DPYSL3: variants seen among roughly 807,000 people sequenced by gnomAD.
DPYSL3 encodes the protein dihydropyrimidinase-related protein 3.
DPYSL3 carries 16 observed loss-of-function variants against 66.1 expected under a neutral mutation model. The observed-to-expected ratio is 0.24, with a 90% CI of 0.16 to 0.37. The LOEUF (loss-of-function observed/expected upper bound fraction) is 0.37, where lower values mean the gene tolerates loss of function less well. DPYSL3 is among the 10% of genes least tolerant of loss of function. The pLI, the probability that DPYSL3 is intolerant of heterozygous loss-of-function variation, is 1.00. For missense variants in DPYSL3, 738 were observed against 916.2 expected (o/e 0.81, Z 2.51); for synonymous variants, 338 against 345.1 (o/e 0.98, Z 0.23).
intron 1 of DPYSL3, among the ~76,000 whole-genome samples, chr5:147,431,947 G>T (rs186082856): frequency 1.3e-5 from 2 of 152,258 alleles, no homozygotes; most frequent in East Asian, 3.9e-4. Context: ...GACCCTCGAT[G>T]ACAAGCATGC....
intron 1 of DPYSL3, among the ~76,000 whole-genome samples, chr5:147,462,318 A>T (rs1311727699): frequency 6.6e-6 from 1 of 152,168 alleles, no homozygotes; most frequent in East Asian, 1.9e-4. Flanking sequence ...TTCCTCCACC[A>T]TAATATAGTC....
chr5:147,397,135 C>T (rs60953985), intron 12 of DPYSL3, among the ~76,000 whole-genome samples: 38,747 of 146,680 alleles, frequency 0.26, 5,336 homozygotes, highest in East Asian at 0.54. Context: ...ATTTTTTATA[C>T]GCATGCATAC....
chr5:147,477,039 C>T (rs193289100), intron 1 of DPYSL3, among the ~76,000 whole-genome samples: 1 of 152,136 alleles, frequency 6.6e-6, no homozygotes, highest in Admixed American at 6.5e-5. Context: ...AATAAGTACC[C>T]CCCAGTTCCC....
intron 13 of DPYSL3, among the ~76,000 whole-genome samples, chr5:147,394,390 C>T (rs1359712919): frequency 6.6e-6 from 1 of 152,132 alleles, no homozygotes; most frequent in African/African-American, 2.4e-5. Flanking sequence ...GGAAGAAGAA[C>T]AATGACAAAG....
chr5:147,423,001 T>TAAC (rs746279993), intron 2 of DPYSL3, among the ~76,000 whole-genome samples: 2 of 152,062 alleles, frequency 1.3e-5, no homozygotes, highest in Non-Finnish European at 2.9e-5. Context: ...TAAAGTATAA[T>TAAC]AATAATAATA....
chr5:147,497,611 C>T (rs1231451167), intron 1 of DPYSL3, among the ~76,000 whole-genome samples: 1 of 151,724 alleles, frequency 6.6e-6, no homozygotes, highest in Non-Finnish European at 1.5e-5. Context: ...TTACATTACA[C>T]ATAATATAAT....
At chr5:147,453,858 T>C (rs1281770321) in intron 1 of DPYSL3, 13 of 764,486 alleles carry the variant, frequency 1.7e-5, no homozygotes, top group Non-Finnish European at 2.0e-5. Flanking sequence ...TTTTTTTTTT[T>C]CTTTTGCTGC....
At chr5:147,400,600 C>T in intron 10 of DPYSL3, 92 bp downstream of exon 10, 2 of 1,508,716 alleles carry the variant, frequency 1.3e-6, no homozygotes, top group East Asian at 2.3e-5. Flanking sequence ...TCTGCACTCG[C>T]AGTGTCACCA....
chr5:147,422,375 A>G (rs1752098599), intron 2 of DPYSL3, among the ~76,000 whole-genome samples: 1 of 152,226 alleles, frequency 6.6e-6, no homozygotes, highest in Non-Finnish European at 1.5e-5. Context: ...GGATTTGGAG[A>G]AATAGGAATG....
intron 1 of DPYSL3, among the ~76,000 whole-genome samples, chr5:147,505,539 T>A (rs1753675383): frequency 6.6e-6 from 1 of 152,212 alleles, no homozygotes; most frequent in African/African-American, 2.4e-5. Flanking sequence ...CCCAGCCTAT[T>A]ATTTTATATT....
intron 1 of DPYSL3, among the ~76,000 whole-genome samples, chr5:147,466,869 G>A (rs914164403): frequency 1.3e-5 from 2 of 152,208 alleles, no homozygotes; most frequent in Non-Finnish European, 2.9e-5. Context: ...GGAAAGTAGG[G>A]ATGGCAGAGA....
At chr5:147,466,162 C>G (rs1753005256) in intron 1 of DPYSL3, among the ~76,000 whole-genome samples, 1 of 152,180 alleles carries the variant, frequency 6.6e-6, no homozygotes, top group Non-Finnish European at 1.5e-5. Context: ...TGCCTGTTGA[C>G]AGAATATGTA....
At position 147,393,892 on chromosome 5, in the gene DPYSL3, T is replaced by G; in HGVS notation, c.*143A>C. ...TAAAGCTAGGCAAGCGAGCGTAACA[T>G]TGGAGAAACATAAGGCTTGAGGCTT... On this transcript the variant is annotated 3_prime_UTR_variant, in exon 14 of 14. Coordinates refer to ENST00000343218, the MANE Select transcript of DPYSL3 (RefSeq NM_001197294.2). The G allele has an allele frequency of 2.5e-6, 2 of 807,728 alleles. No homozygotes were observed. Among genetic ancestry groups the G allele is most frequent in the Non-Finnish European group, 4.0e-6 (2 of 503,766 alleles). 50.0% of individuals were successfully genotyped at this position (807,728 alleles called of 1,614,324 possible). A position where few individuals can be genotyped will look rare whatever the true frequency, so the allele number is the denominator to read the frequency against.
At chr5:147,423,870 A>G (rs1752136797) in intron 2 of DPYSL3, among the ~76,000 whole-genome samples, 1 of 151,980 alleles carries the variant, frequency 6.6e-6, no homozygotes, top group South Asian at 2.1e-4. Flanking sequence ...GCAGGCATAC[A>G]CCAGCACACC....
intron 2 of DPYSL3, among the ~76,000 whole-genome samples, chr5:147,419,515 T>C (rs935195346): frequency 1.3e-5 from 2 of 152,240 alleles, no homozygotes; most frequent in African/African-American, 2.4e-5. Flanking sequence ...TGGTATCACA[T>C]TTTTGATTAA....
intron 1 of DPYSL3, among the ~76,000 whole-genome samples, chr5:147,475,784 T>C (rs1337427271): frequency 6.6e-6 from 1 of 152,112 alleles, no homozygotes; most frequent in African/African-American, 2.4e-5. Context: ...ACTCAAACTC[T>C]TGAAAATATT....
At chr5:147,455,546 G>T (rs183138787) in intron 1 of DPYSL3, among the ~76,000 whole-genome samples, 98 of 152,292 alleles carry the variant, frequency 6.4e-4, no homozygotes, top group Non-Finnish European at 1.0e-3. Flanking sequence ...GCCAAGAGTT[G>T]TGAAATTACA....
intron 6 of DPYSL3, among the ~76,000 whole-genome samples, chr5:147,411,158 C>T (rs140083320): frequency 2.2e-4 from 33 of 152,272 alleles, no homozygotes; most frequent in Non-Finnish European, 3.8e-4. Flanking sequence ...TTGCCTCCCA[C>T]GGGACCAAGG....
intron 1 of DPYSL3, among the ~76,000 whole-genome samples, chr5:147,450,637 C>G (rs1403924747): frequency 2.6e-5 from 4 of 152,026 alleles, no homozygotes; most frequent in Non-Finnish European, 5.9e-5. Flanking sequence ...CCACAGGAAA[C>G]CAATAAAACA....
Sources: gnomAD v4.1 joint callset for allele counts (sites outside exome capture counted in the v4.1 genomes callset) on GRCh38, gnomAD v4.1.1 for gene constraint, MANE v1.5 for transcripts, NCBI Gene and HGNC (gene_info 2026-07-23, HGNC 2026-07-21) for gene names.